Variants in GRAMD1A observed in about 807,000 individuals in gnomAD.
The protein encoded by GRAMD1A is GRAM domain containing 1A, also known as protein Aster-A.
In GRAMD1A, 50 loss-of-function variants were observed where a neutral mutation model predicts 92.0. That is an observed-to-expected ratio of 0.54 (90% CI 0.43 to 0.69). The LOEUF (loss-of-function observed/expected upper bound fraction) is 0.69. Among genes scored for constraint, GRAMD1A ranks in the 30% least tolerant of loss-of-function variants. The probability of loss-of-function intolerance (pLI) is 0.00; values close to 1 mark genes in which losing one functional copy is unlikely to be tolerated. For missense variants in GRAMD1A, 819 were observed against 978.9 expected, an observed-to-expected ratio of 0.84 and a Z score of 2.18; for synonymous variants, 405 against 403.6, an observed-to-expected ratio of 1.00 and a Z score of -0.04.
intron 1 of GRAMD1A, among the ~76,000 whole-genome samples, chr19:35,005,503 G>A (rs927000412): frequency 2.6e-5 from 4 of 152,020 alleles, no homozygotes; most frequent in Admixed American, 2.0e-4. Context: ...GGACCACCCA[G>A]GAGGACCCTG....
upstream of GRAMD1A, chr19:35,000,139 G>A (rs1041380633): frequency 1.0e-6 from 1 of 1,000,722 alleles, no homozygotes; most frequent in Non-Finnish European, 1.2e-6. The surrounding 1 kb of genome is among the most constrained non-coding windows in gnomAD (Gnocchi z 4.9). Context: ...TTCCTTCTCT[G>A]TCTCTCTGCC....
intron 1 of GRAMD1A, among the ~76,000 whole-genome samples, chr19:35,007,540 A>G (rs1227921862): frequency 6.6e-6 from 1 of 151,970 alleles, no homozygotes; most frequent in African/African-American, 2.4e-5. Context: ...CCTGGGCGAC[A>G]GAGAGAGACC....
At chr19:35,014,442 T>C in intron 10 of GRAMD1A, 55 bp downstream of exon 10, 1 of 1,501,984 alleles carries the variant, frequency 6.7e-7, no homozygotes, top group South Asian at 1.1e-5. Flanking sequence ...CCTCGCTCAG[T>C]CTTAAGCAAG....
intron 1 of GRAMD1A, among the ~76,000 whole-genome samples, chr19:35,001,673 T>C (rs2014385637): frequency 6.6e-6 from 1 of 152,054 alleles, no homozygotes; most frequent in African/African-American, 2.4e-5. Flanking sequence ...AGTGGCACGA[T>C]CTCGGCCCAC....
intron 6 of GRAMD1A, chr19:35,010,613 A>G (rs1345627093): frequency 1.0e-5 from 6 of 594,806 alleles, no homozygotes; most frequent in Non-Finnish European, 1.8e-5. Flanking sequence ...CAGAAATAGT[A>G]AAACTCTTCC....
Position 35,000,882 on chromosome 19 carries a change from C to A in GRAMD1A, c.8+396C>A, listed in dbSNP as rs1022184173. On this transcript the variant is annotated intron_variant, in intron 1 of 19. Coordinates refer to ENST00000317991, the MANE Select transcript of GRAMD1A (RefSeq NM_020895.5). The surrounding 1 kb of genome is among the most constrained non-coding windows in gnomAD (Gnocchi z 4.9). ...GCCTGGGATGGAGACAGGATCGGGA[C>A]CAGCCCAGGCCCACAGGCCGCGGAG... Among the ~76,000 whole-genome samples, 11 of 151,940 alleles carry A rather than the reference C, an allele frequency of 7.2e-5. No individual in the cohort carries two copies. The highest frequency in any genetic ancestry group is 1.6e-4 in the Non-Finnish European group (11 of 67,958).
At chr19:35,023,024 C>A in intron 17 of GRAMD1A, 113 bp downstream of exon 17, 2 of 865,228 alleles carry the variant, frequency 2.3e-6, no homozygotes, top group African/African-American at 1.7e-5. Flanking sequence ...CCTGGCATGG[C>A]AGTCAAGGGT....
In GRAMD1A at chr19:35,019,524, C is replaced by T. The variant is rs539194619; in HGVS notation, c.1466C>T (p.Ala489Val). ...YCILGLARNK[A>V]RLRVSSEIRY... ...ATCCTGGGTCTGGCCCGGAACAAGG[C>T]GCGGCTCCGGTGAGTGGTGGCTGGG... Residue 489 changes from alanine to valine, a missense_variant, in exon 13 of 20, where the codon GCG (alanine) becomes GTG (valine). Coordinates refer to ENST00000317991, the MANE Select transcript of GRAMD1A (RefSeq NM_020895.5). 46 of 1,613,908 alleles carry T rather than the reference C, an allele frequency of 2.9e-5. No homozygotes were observed. In the African/African-American group the frequency reaches 4.4e-4, roughly 15 times the overall value.
Position 35,013,737 on chromosome 19 carries a change from G to C in GRAMD1A, c.870+46G>C. ...GGGGTGGGATACTGATAGGAAGAGAGAGGAGGGCTGGGGGTGCAGTGGGAG... is the reference window on the plus strand; with the variant it reads ...GGGGTGGGATACTGATAGGAAGAGACAGGAGGGCTGGGGGTGCAGTGGGAG... On this transcript the variant is annotated intron_variant, in intron 9 of 19. Coordinates refer to ENST00000317991, the MANE Select transcript of GRAMD1A (RefSeq NM_020895.5). This position sits in a 1 kb window ranked among gnomAD's most constrained non-coding sequence, Gnocchi z 4.9. 5 of 1,552,912 alleles carry C rather than the reference G, an allele frequency of 3.2e-6. No individual in the cohort carries two copies. Among genetic ancestry groups the C allele is most frequent in the Non-Finnish European group, 4.4e-6 (5 of 1,139,054 alleles).
chr19:34,997,576 A>G (rs1353088452), upstream of GRAMD1A, among the ~76,000 whole-genome samples: 1 of 152,188 alleles, frequency 6.6e-6, no homozygotes, highest in Non-Finnish European at 1.5e-5. Context: ...TCTTCCAACA[A>G]GGGACACTCC....
At chr19:35,005,391 T>C (rs1244246772) in intron 1 of GRAMD1A, among the ~76,000 whole-genome samples, 1 of 151,610 alleles carries the variant, frequency 6.6e-6, no homozygotes, top group African/African-American at 2.4e-5. Context: ...GGGAGCCCTG[T>C]GGATGTGGAT....
intron 11 of GRAMD1A, 46 bp from the exon 12 acceptor site, chr19:35,019,144 CA>C: frequency 7.7e-7 from 1 of 1,301,888 alleles, no homozygotes; most frequent in Admixed American, 1.8e-5. Context: ...GGCCTGTGGG[CA>C]AAGGACTGGG....
chr19:34,996,183 T>C (rs146947383), upstream of GRAMD1A: 966 of 1,535,872 alleles, frequency 6.3e-4, 5 homozygotes, highest in African/African-American at 0.012. Flanking sequence ...GAGGTGCCCA[T>C]CATTCACATA....
chr19:35,001,600 C>T (rs961009095), intron 1 of GRAMD1A, among the ~76,000 whole-genome samples: 1 of 151,784 alleles, frequency 6.6e-6, no homozygotes, highest in East Asian at 1.9e-4. Context: ...AGCTCTGAAA[C>T]GCTCTTCTTT....
chr19:35,000,298 C>A, upstream of GRAMD1A: 2 of 1,038,180 alleles, frequency 1.9e-6, no homozygotes, highest in Non-Finnish European at 2.3e-6. This position sits in a 1 kb window ranked among gnomAD's most constrained non-coding sequence, Gnocchi z 4.9. Context: ...TCGCTGACGC[C>A]GCGGCGGCCT....
At chr19:35,019,582 C>T (rs765078301) in intron 13 of GRAMD1A, 49 bp downstream of exon 13, 1 of 1,577,698 alleles carries the variant, frequency 6.3e-7, no homozygotes, top group South Asian at 1.1e-5. Flanking sequence ...GGCCCCAGGG[C>T]CTCCTGTCCA....
intron 1 of GRAMD1A, among the ~76,000 whole-genome samples, chr19:35,008,692 C>CT (rs2151709359): frequency 1.3e-5 from 2 of 152,272 alleles, no homozygotes; most frequent in African/African-American, 4.8e-5. Context: ...TGGCAGGAAC[C>CT]TGTAGTCCCA....
rs1438958127 is a variant in GRAMD1A at position 35,019,280 on chromosome 19, C to T, written c.1303C>T (p.Pro435Ser). The change falls in exon 12 of 20, where the codon CCC becomes TCC. Residue 435 changes from proline (P) to serine (S), a missense_variant. Physicochemically the swap from Pro to Ser is moderately conservative, Grantham distance 74. Transcript: ENST00000317991. The part of the protein sequence containing the change: ...YTIPISNPLG[P>S]KSASVVETQT... ...CATCCCCATCAGCAACCCACTGGGC[C>T]CCAAGAGCGCCTCCGTGGTGGAGAC... The T allele has an allele frequency of 1.2e-6, 2 of 1,613,444 alleles. No individual in the cohort carries two copies. The highest frequency in any genetic ancestry group is 1.7e-6 in the Non-Finnish European group (2 of 1,179,608).
Position 35,015,891 on chromosome 19 carries a change from C to T in GRAMD1A, c.1137C>T (p.Gly379=), listed in dbSNP as rs368861045. 1.6e-4 allele frequency: 253 copies of T among 1,614,088 alleles called. 1 individual carries two copies. Among genetic ancestry groups the T allele is most frequent in the East Asian group, 4.9e-4 (22 of 44,876 alleles). ...TCATCAACTCTGTCTTCCATGTGGGCGCTGAGCGGCTCCAGCAGATGCTCT... is the reference window on the plus strand; with the variant it reads ...TCATCAACTCTGTCTTCCATGTGGGTGCTGAGCGGCTCCAGCAGATGCTCT... ...RLLINSVFHV[G]AERLQQMLFS... is the part of the protein sequence containing the mutation. Residue 379 remains glycine, a synonymous_variant, in exon 11 of 20, where the codon GGC becomes GGT. Coordinates refer to ENST00000317991, the MANE Select transcript of GRAMD1A (RefSeq NM_020895.5).
Sources: allele counts gnomAD v4.1 joint callset (sites outside exome capture counted in the v4.1 genomes callset), GRCh38; gene constraint gnomAD v4.1.1; non-coding constraint Gnocchi (gnomAD v3.1); transcripts MANE v1.5; gene names NCBI Gene and HGNC (gene_info 2026-07-23, HGNC 2026-07-21).